WWOX: variants seen among roughly 807,000 people sequenced by gnomAD.
The protein encoded by WWOX is WW domain containing oxidoreductase, also known as WW domain-containing oxidoreductase.
WWOX carries 69 observed loss-of-function variants against 46.2 expected under a neutral mutation model. The observed-to-expected ratio is 1.49, with a 90% confidence interval of 1.23 to 1.82. The LOEUF (loss-of-function observed/expected upper bound fraction) is 1.82, where lower values mean the gene tolerates loss of function less well. WWOX is among the 40% of genes most tolerant of loss of function. The pLI, the probability that WWOX is intolerant of heterozygous loss-of-function variation, is 0.00. For missense variants in WWOX, 919 were observed against 542.6 expected (o/e 1.69, Z -6.89); for synonymous variants, 359 against 202.6 (o/e 1.77, Z -6.56).
chr16:78,309,413 C>G (rs2080195606), intron 5 of WWOX, among the ~76,000 whole-genome samples: 1 of 152,142 alleles, frequency 6.6e-6, no homozygotes, highest in African/African-American at 2.4e-5. Context: ...TACCCAGTTT[C>G]AGGCAGTTCT....
intron 8 of WWOX, among the ~76,000 whole-genome samples, chr16:78,516,908 T>G (rs1383676714): frequency 6.6e-6 from 1 of 152,176 alleles, no homozygotes; most frequent in Non-Finnish European, 1.5e-5. Flanking sequence ...AGATTAACAT[T>G]ATTATTATTG....
chr16:78,377,747 T>C (rs1597128551), intron 5 of WWOX, among the ~76,000 whole-genome samples: 1 of 152,224 alleles, frequency 6.6e-6, no homozygotes, highest in Non-Finnish European at 1.5e-5. Context: ...TTGCAAAATA[T>C]TGCCAATTAC....
At chr16:78,988,104 A>T (rs1416765039) in intron 8 of WWOX, among the ~76,000 whole-genome samples, 3 of 152,080 alleles carry the variant, frequency 2.0e-5, no homozygotes, top group Non-Finnish European at 4.4e-5. Flanking sequence ...GCAGTTTGGG[A>T]GGCCGAGGCT....
intron 8 of WWOX, among the ~76,000 whole-genome samples, chr16:78,595,287 CT>C (rs66928546): frequency 0.48 from 69,643 of 144,912 alleles, 18,511 homozygotes; most frequent in Non-Finnish European, 0.59. Context: ...CTGGAAATGT[CT>C]TTTTTTTTTT....
chr16:78,188,211 C>T (rs754157471), intron 5 of WWOX, among the ~76,000 whole-genome samples: 6 of 152,096 alleles, frequency 3.9e-5, no homozygotes, highest in Admixed American at 6.5e-5. Flanking sequence ...TTGCCTTGGC[C>T]GGGCGCGGGA....
At chr16:79,203,900 A>G (rs1200883372) in intron 8 of WWOX, 5 of 152,194 alleles carry the variant, frequency 3.3e-5, no homozygotes, top group Admixed American at 3.3e-4. Context: ...TTAAAGAAGT[A>G]GAGTAAAAAT....
intron 8 of WWOX, among the ~76,000 whole-genome samples, chr16:78,519,755 C>G (rs1255244276): frequency 6.6e-6 from 1 of 152,102 alleles, no homozygotes; most frequent in Non-Finnish European, 1.5e-5. Flanking sequence ...GAGGAGCCCA[C>G]AAGCAGGTGC....
chr16:78,291,212 A>T (rs1017306629), intron 5 of WWOX, among the ~76,000 whole-genome samples: 45 of 152,228 alleles, frequency 3.0e-4, no homozygotes, highest in Admixed American at 2.1e-3. Context: ...ATATTCATAA[A>T]ATAGCAGATA....
chr16:78,412,549 G>A (rs565231200), intron 6 of WWOX, among the ~76,000 whole-genome samples: 1 of 152,194 alleles, frequency 6.6e-6, no homozygotes, highest in African/African-American at 2.4e-5. Context: ...AAAGAGGAAG[G>A]GTTGGAGGAG....
At chr16:78,973,321 G>A (rs796192341) in intron 8 of WWOX, among the ~76,000 whole-genome samples, 18 of 152,272 alleles carry the variant, frequency 1.2e-4, no homozygotes, top group African/African-American at 4.3e-4. Flanking sequence ...TTCCCTAGTG[G>A]AGACAGCCGG....
At chr16:79,060,617 A>T (rs972490158) in intron 8 of WWOX, among the ~76,000 whole-genome samples, 1 of 152,248 alleles carries the variant, frequency 6.6e-6, no homozygotes, top group African/African-American at 2.4e-5. Context: ...ATGTCTTCAA[A>T]AGCAACTGGA....
intron 8 of WWOX, among the ~76,000 whole-genome samples, chr16:79,166,317 A>T (rs915844280): frequency 6.6e-6 from 1 of 152,194 alleles, no homozygotes; most frequent in Non-Finnish European, 1.5e-5. Flanking sequence ...AATTTCTCTG[A>T]CACAGGAGGA....
intron 8 of WWOX, among the ~76,000 whole-genome samples, chr16:78,478,294 C>T (rs2084401780): frequency 6.6e-6 from 1 of 152,116 alleles, no homozygotes; most frequent in African/African-American, 2.4e-5. Context: ...AGAAAACAAA[C>T]ACAGTGTATC....
rs537896282 is a variant in WWOX, at chr16:78,638,682, T to G, written c.1056+205930T>G. Among the ~76,000 whole-genome samples, 5 of 152,260 alleles carry G rather than the reference T, an allele frequency of 3.3e-5. No individual in the cohort carries two copies. In the East Asian group the frequency reaches 5.8e-4, roughly 18 times the overall value. ...AGGGCGGGGGCGGTCAGAGGAGAGA[T>G]AGAGCACTTCAGATTCCAATCGAAT... On this transcript the variant is annotated intron_variant, in intron 8 of 8. Transcript: ENST00000566780.
At chr16:79,138,142 C>T (rs974037405) in intron 8 of WWOX, among the ~76,000 whole-genome samples, 4 of 152,140 alleles carry the variant, frequency 2.6e-5, no homozygotes, top group East Asian at 1.9e-4. Context: ...GAGAATACTG[C>T]GTGTGCCTTC....
At chr16:78,744,260 C>T (rs1325318016) in intron 8 of WWOX, among the ~76,000 whole-genome samples, 3 of 152,026 alleles carry the variant, frequency 2.0e-5, no homozygotes, top group Non-Finnish European at 2.9e-5. Flanking sequence ...GCTGAAGGCA[C>T]AGGACTTTAG....
chr16:78,863,599 C>G (rs981797472), intron 8 of WWOX, among the ~76,000 whole-genome samples: 2 of 152,132 alleles, frequency 1.3e-5, no homozygotes, highest in Non-Finnish European at 2.9e-5. Context: ...GTGAATCTCC[C>G]AACCATAAGC....
intron 8 of WWOX, among the ~76,000 whole-genome samples, 168 bp downstream of exon 8, chr16:78,432,920 G>C (rs1330617289): frequency 6.6e-6 from 1 of 152,202 alleles, no homozygotes; most frequent in Non-Finnish European, 1.5e-5. Context: ...TTTAGGTTAA[G>C]TCTGTTTGGG....
chr16:78,713,997 C>T (rs971225930), intron 8 of WWOX, among the ~76,000 whole-genome samples: 1 of 152,102 alleles, frequency 6.6e-6, no homozygotes, highest in Non-Finnish European at 1.5e-5. Context: ...CTCTAGTTCT[C>T]TTTCCGTGAC....
Sources: gnomAD v4.1 joint callset for allele counts (sites outside exome capture counted in the v4.1 genomes callset) on GRCh38, gnomAD v4.1.1 for gene constraint, MANE v1.5 for transcripts, NCBI Gene and HGNC (gene_info 2026-07-23, HGNC 2026-07-21) for gene names.